AMY2B: variants seen among roughly 807,000 people sequenced by gnomAD.
AMY2B encodes the protein alpha-amylase 2B.
In AMY2B, 63 loss-of-function variants were observed where a neutral mutation model predicts 59.3. The ratio of observed to expected loss-of-function variants is 1.06; its 90% CI spans 0.87 to 1.31. The LOEUF is 1.31. Ranked by LOEUF, AMY2B falls within the 50% of genes most tolerant of loss-of-function variation. The pLI is 0.00. For missense variants in AMY2B, 635 were observed against 626.7 expected (o/e 1.01, Z -0.14); for synonymous variants, 180 against 198.1 (o/e 0.91, Z 0.77).
chr1:103,568,836 T>C (rs1389818194), upstream of AMY2B: 2 of 151,770 alleles, frequency 1.3e-5, no homozygotes, highest in Non-Finnish European at 2.9e-5. Flanking sequence ...TATATGTTTG[T>C]ATGTATGTGT....
At chr1:103,576,556 A>G (rs1652361460) in intron 7 of AMY2B, among the ~76,000 whole-genome samples, 1 of 152,098 alleles carries the variant, frequency 6.6e-6, no homozygotes, top group Non-Finnish European at 1.5e-5. Context: ...GTCAACACTG[A>G]AAAACTTCCT....
Position 103,573,402 on chromosome 1 carries a change from C to T in AMY2B, c.513+142C>T. ...TAACAGGTTTGACTACTTTAAGAAA[C>T]TCAAATCCATATTTAAAAACTTAAA... On this transcript the variant is annotated intron_variant, in intron 3 of 9. Transcript: ENST00000684275. The T allele has an allele frequency of 2.8e-6, 4 of 1,429,910 alleles. 1 individual carries two copies. The South Asian group carries it at 4.2e-5, about 15-fold the overall frequency. 88.6% of individuals were successfully genotyped at this position (1,429,910 alleles called of 1,614,324 possible). A position where few individuals can be genotyped will look rare whatever the true frequency, so the allele number is the denominator to read the frequency against.
chr1:103,568,609 A>C (rs1651989804), upstream of AMY2B: 1 of 152,182 alleles, frequency 6.6e-6, no homozygotes, highest in Non-Finnish European at 1.5e-5. Context: ...TCTGTTTGAA[A>C]TGGAAACATG....
At chr1:103,572,625 G>A (rs1346908499) in intron 2 of AMY2B, among the ~76,000 whole-genome samples, 5 of 152,060 alleles carry the variant, frequency 3.3e-5, no homozygotes, top group South Asian at 2.1e-4. Context: ...TGGGTTTTTC[G>A]TGGTGACTAG....
At chr1:103,555,684 A>C (rs1414103864) in intron 1 of AMY2B, among the ~76,000 whole-genome samples, 1 of 152,116 alleles carries the variant, frequency 6.6e-6, no homozygotes, top group Non-Finnish European at 1.5e-5. Flanking sequence ...AACTTGGTGG[A>C]TGTCAGGAGT....
At chr1:103,575,695 A>G (rs929264502) in intron 7 of AMY2B, 155 bp downstream of exon 7, 1 of 1,125,876 alleles carries the variant, frequency 8.9e-7, no homozygotes, top group Non-Finnish European at 1.2e-6. Flanking sequence ...GTTATATTAA[A>G]GGAGTAAAAT....
chr1:103,571,586 G>C, upstream of AMY2B: 1 of 1,609,940 alleles, frequency 6.2e-7, no homozygotes, highest in Non-Finnish European at 8.5e-7. Context: ...AAAGGACACT[G>C]ACAACTTCAA....
chr1:103,572,949 A>G, intron 2 of AMY2B, 114 bp from the exon 3 acceptor site: 4 of 1,580,160 alleles, frequency 2.5e-6, no homozygotes, highest in South Asian at 1.1e-5. Context: ...AAATAGTTAT[A>G]AGATATCATG....
At chr1:103,579,246 G>A (rs1178209891) in intron 9 of AMY2B, 65 bp from the exon 10 acceptor site, 3 of 1,610,892 alleles carry the variant, frequency 1.9e-6, no homozygotes, top group Admixed American at 3.3e-5. Context: ...ATGCTGTTTA[G>A]TTGTGTTAGC....
intron 1 of AMY2B, among the ~76,000 whole-genome samples, chr1:103,561,555 C>T (rs1651736119): frequency 1.3e-5 from 2 of 151,902 alleles, no homozygotes; most frequent in Admixed American, 1.3e-4. Flanking sequence ...TTTAACCCAG[C>T]CCTATGCCAA....
At chr1:103,562,655 A>G (rs1398838004) in intron 1 of AMY2B, among the ~76,000 whole-genome samples, 1 of 150,126 alleles carries the variant, frequency 6.7e-6, no homozygotes, top group African/African-American at 2.4e-5. Flanking sequence ...TACGAATGAC[A>G]TTAATAGATA....
chr1:103,572,393 A>C (rs543598690), intron 2 of AMY2B, 137 bp downstream of exon 2: 1 of 1,443,596 alleles, frequency 6.9e-7, no homozygotes, highest in South Asian at 1.5e-5. Flanking sequence ...ACTCAAAATT[A>C]ACCGTTGCCT....
chr1:103,575,060 GTATATATA>G (rs59615316), intron 5 of AMY2B, among the ~76,000 whole-genome samples, 155 bp from the exon 6 acceptor site: 3 of 143,626 alleles, frequency 2.1e-5, no homozygotes, highest in Admixed American at 7.0e-5. Context: ...GTGTGTGTAT[GTATATATA>G]TATATATATA....
intron 7 of AMY2B, among the ~76,000 whole-genome samples, chr1:103,576,548 C>T (rs1443234460): frequency 1.6e-4 from 24 of 152,036 alleles, no homozygotes; most frequent in Admixed American, 1.6e-3. Context: ...ATTCTAAGGT[C>T]AACACTGAAA....
chr1:103,555,225 T>A (rs1651511630), intron 1 of AMY2B: 1 of 152,024 alleles, frequency 6.6e-6, no homozygotes, highest in Non-Finnish European at 1.5e-5. Flanking sequence ...ATAAATTGTT[T>A]CCTTTCCAAT....
chr1:103,573,620 G>A (rs1652224748), intron 3 of AMY2B, 88 bp from the exon 4 acceptor site: 5 of 1,569,402 alleles, frequency 3.2e-6, no homozygotes, highest in Non-Finnish European at 3.5e-6. Flanking sequence ...TATCTCTTGA[G>A]GAATCATGGA....
intron 9 of AMY2B, among the ~76,000 whole-genome samples, chr1:103,578,725 A>T (rs1290852823): frequency 6.6e-6 from 1 of 152,128 alleles, no homozygotes; most frequent in East Asian, 1.9e-4. Context: ...TCAAACTATC[A>T]CTTCTTCATA....
chr1:103,569,419 T>C (rs1263381984), upstream of AMY2B: 1 of 215,286 alleles, frequency 4.6e-6, no homozygotes, highest in Non-Finnish European at 9.4e-6. Context: ...TGTGTGTGTG[T>C]GTGTGTGTGT....
chr1:103,573,053 T>A lies in AMY2B; in HGVS notation c.316-10T>A. 1 of 1,613,216 alleles carries A rather than the reference T, an allele frequency of 6.2e-7. No homozygotes were observed. The highest frequency in any genetic ancestry group is 1.7e-4 in the Middle Eastern group (1 of 5,736). On this transcript the variant is annotated splice_polypyrimidine_tract_variant and intron_variant, in intron 2 of 9. Coordinates refer to ENST00000684275, the MANE Select transcript of AMY2B (RefSeq NM_001387437.1). Reference sequence around the variant, plus strand: ...GTAAGTCACACTGAAGTAGAAACTTTGCTTTCTAGGTTCGTATTTATGTGG... The same window carrying A: ...GTAAGTCACACTGAAGTAGAAACTTAGCTTTCTAGGTTCGTATTTATGTGG...
Sources: allele counts gnomAD v4.1 joint callset (sites outside exome capture counted in the v4.1 genomes callset), GRCh38; gene constraint gnomAD v4.1.1; transcripts MANE v1.5; gene names NCBI Gene and HGNC (gene_info 2026-07-23, HGNC 2026-07-21).